Variants in RCOR1 observed in about 807,000 individuals in gnomAD.
RCOR1 encodes REST corepressor.
Under a neutral mutation model 64.0 loss-of-function variants are expected in RCOR1, and 12 were observed. The ratio of observed to expected loss-of-function variants is 0.19; its 90% CI spans 0.12 to 0.30. The LOEUF (loss-of-function observed/expected upper bound fraction) is 0.30, where lower values mean the gene tolerates loss of function less well. RCOR1 is among the 10% of genes least tolerant of loss of function. RCOR1 has a pLI of 1.00. For synonymous variants in RCOR1, 279 were observed against 227.2 expected, an observed-to-expected ratio of 1.23 and a Z score of -2.05; for missense variants, 502 against 621.2, an observed-to-expected ratio of 0.81 and a Z score of 2.04.
At chr14:102,613,071 T>G (rs1158117640) in intron 2 of RCOR1, among the ~76,000 whole-genome samples, 1 of 152,054 alleles carries the variant, frequency 6.6e-6, no homozygotes, top group African/African-American at 2.4e-5. Flanking sequence ...TTTGTTTTGT[T>G]TTTTGAGATG....
At chr14:102,710,575 A>T (rs1365189405) in intron 6 of RCOR1, among the ~76,000 whole-genome samples, 1 of 152,180 alleles carries the variant, frequency 6.6e-6, no homozygotes, top group African/African-American at 2.4e-5. Context: ...TTGTTTAGTA[A>T]TCATATCCTA....
chr14:102,709,371 G>A (rs1212485804), intron 6 of RCOR1, among the ~76,000 whole-genome samples: 2 of 152,134 alleles, frequency 1.3e-5, no homozygotes, highest in South Asian at 4.1e-4. Flanking sequence ...TGTTAGGGTG[G>A]TGAGATATAT....
rs1896341304 is a variant in RCOR1 at position 102,730,093 on chromosome 14, G to A, written c.*3587G>A. On this transcript the variant is annotated 3_prime_UTR_variant, in exon 12 of 12. Coordinates refer to ENST00000262241, the MANE Select transcript of RCOR1 (RefSeq NM_015156.4). ...TTCAGAAGAAGGGAAGGTCAGCAGA[G>A]GCTATGCATGTTGTGTGATGATGAG... The A allele has an allele frequency of 2.5e-6, 1 of 398,818 alleles. No homozygotes were observed. Among genetic ancestry groups the A allele is most frequent in the Admixed American group, 4.4e-5 (1 of 22,738 alleles). 24.7% of individuals were successfully genotyped at this position (398,818 alleles called of 1,614,324 possible).
At chr14:102,612,688 T>C (rs1035183609) in intron 2 of RCOR1, among the ~76,000 whole-genome samples, 1 of 151,888 alleles carries the variant, frequency 6.6e-6, no homozygotes, top group African/African-American at 2.4e-5. Context: ...CATTTGCTCT[T>C]AGAAATCTGC....
In RCOR1 at chr14:102,593,419, C is replaced by T. The variant is rs545624560; in HGVS notation, c.361+94C>T. The T allele has an allele frequency of 8.5e-4, 1,120 of 1,324,122 alleles. 1 individual carries two copies. Among genetic ancestry groups the T allele is most frequent in the Non-Finnish European group, 1.0e-3 (1,041 of 1,013,846 alleles). 82.0% of individuals were successfully genotyped at this position (1,324,122 alleles called of 1,614,324 possible). On this transcript the variant is annotated intron_variant, in intron 2 of 11. Coordinates refer to ENST00000262241, the MANE Select transcript of RCOR1 (RefSeq NM_015156.4). ...GGGGCGGGAGCCCGCCGACAACTTT[C>T]TTTTTGTGCGTTCGCCCTGCCGTCC...
chr14:102,679,959 C>G, intron 2 of RCOR1, among the ~76,000 whole-genome samples: 1 of 152,146 alleles, frequency 6.6e-6, no homozygotes. Flanking sequence ...AAAGAAGGTG[C>G]TACAATTTTG....
chr14:102,624,269 C>T (rs536276428), intron 2 of RCOR1, among the ~76,000 whole-genome samples: 5 of 151,806 alleles, frequency 3.3e-5, no homozygotes, highest in East Asian at 1.9e-4. Flanking sequence ...TGTGGGAGGC[C>T]GAAGTGGGCG....
chr14:102,645,687 C>T lies in RCOR1; in HGVS notation c.362-36208C>T, dbSNP rs149894812. ...CAAAATCTGTTCCTTAGTCTTGCTG[C>T]CTGAAAAATGACCCCCAAAAGTTAG... On this transcript the variant is annotated intron_variant, in intron 2 of 11. Transcript: ENST00000262241. 6.9e-3 allele frequency among the ~76,000 whole-genome samples: 1,044 copies of T among 152,260 alleles called. 8 individuals are homozygous for T. Among genetic ancestry groups the T allele is most frequent in the Non-Finnish European group, 0.011 (720 of 68,030 alleles).
At chr14:102,684,122 G>A (rs930371022) in intron 3 of RCOR1, among the ~76,000 whole-genome samples, 3 of 152,264 alleles carry the variant, frequency 2.0e-5, no homozygotes, top group African/African-American at 7.2e-5. Flanking sequence ...AATCCAACTC[G>A]CACGGGAGGC....
At chr14:102,594,239 T>G (rs1042665377) in intron 2 of RCOR1, among the ~76,000 whole-genome samples, 9 of 152,348 alleles carry the variant, frequency 5.9e-5, no homozygotes, top group Middle Eastern at 3.4e-3. Context: ...AACGTAGGAT[T>G]TATTTCAGAA....
chr14:102,661,307 C>T (rs904638120), intron 2 of RCOR1, among the ~76,000 whole-genome samples: 15 of 152,020 alleles, frequency 9.9e-5, no homozygotes, highest in African/African-American at 3.1e-4. Flanking sequence ...GAGATTGTGC[C>T]GCTGCACTCC....
chr14:102,597,507 T>C (rs1893281487), intron 2 of RCOR1, among the ~76,000 whole-genome samples: 1 of 151,342 alleles, frequency 6.6e-6, no homozygotes, highest in Non-Finnish European at 1.5e-5. Context: ...TTTTGTAGTT[T>C]TAGTAGAGAT....
In RCOR1 at chr14:102,592,739, G is replaced by A. The variant is rs1893152413; in HGVS notation, c.-148G>A. On this transcript the variant is annotated 5_prime_UTR_variant, in exon 1 of 12. Coordinates refer to ENST00000262241, the MANE Select transcript of RCOR1 (RefSeq NM_015156.4). ...AAGCGGCTCCGCGCTCTGCCCGTTT[G>A]GGCCTCCCCCGACTCGGACTCGCGC... is the stretch of plus-strand genomic sequence containing the variant. 8.2e-6 allele frequency: 10 copies of A among 1,222,244 alleles called. No homozygotes were observed. The highest frequency in any genetic ancestry group is 9.2e-6 in the Non-Finnish European group (9 of 982,102). The allele number at this position is 1,222,244 out of a possible 1,614,324, so 75.7% of individuals were successfully genotyped here.
At chr14:102,621,826 T>A (rs141117632) in intron 2 of RCOR1, among the ~76,000 whole-genome samples, 4 of 152,300 alleles carry the variant, frequency 2.6e-5, no homozygotes, top group Admixed American at 2.6e-4. Flanking sequence ...CCTACATTGA[T>A]ACAGATAGAT....
intron 2 of RCOR1, chr14:102,659,275 C>G (rs1277671880): frequency 1.0e-6 from 1 of 984,838 alleles, no homozygotes; most frequent in Admixed American, 6.2e-5. Flanking sequence ...TTGGCCTTCA[C>G]TATCAAAACA....
At chr14:102,724,597 T>C (rs1286273128) in intron 11 of RCOR1, among the ~76,000 whole-genome samples, 1 of 152,208 alleles carries the variant, frequency 6.6e-6, no homozygotes, top group East Asian at 1.9e-4. Flanking sequence ...CCTCCCAAAG[T>C]GCTGGGATTA....
At chr14:102,613,753 A>T (rs1345273240) in intron 2 of RCOR1, among the ~76,000 whole-genome samples, 1 of 148,840 alleles carries the variant, frequency 6.7e-6, no homozygotes, top group Non-Finnish European at 1.5e-5. Context: ...GGTGGAGTAT[A>T]ACTATGTTGC....
chr14:102,630,197 C>A, intron 2 of RCOR1: 1 of 155,612 alleles, frequency 6.4e-6, no homozygotes, highest in Non-Finnish European at 1.4e-5. Flanking sequence ...GTTCTTACTC[C>A]TTTAGTTCCT....
chr14:102,630,344 C>T (rs1894085131), intron 2 of RCOR1, among the ~76,000 whole-genome samples: 1 of 152,202 alleles, frequency 6.6e-6, no homozygotes, highest in Non-Finnish European at 1.5e-5. Flanking sequence ...GATGCCCCAT[C>T]TTCCAGCCGG....
Sources: gnomAD v4.1 joint callset for allele counts (sites outside exome capture counted in the v4.1 genomes callset) on GRCh38, gnomAD v4.1.1 for gene constraint, MANE v1.5 for transcripts, NCBI Gene and HGNC (gene_info 2026-07-23, HGNC 2026-07-21) for gene names.